ZNF397: variants seen among roughly 807,000 people sequenced by gnomAD.
ZNF397 encodes zinc finger and SCAN domain-containing protein 15.
In ZNF397, 38 loss-of-function variants were observed where a neutral mutation model predicts 50.6. The observed-to-expected ratio is 0.75, with a 90% CI of 0.58 to 0.98. The LOEUF (loss-of-function observed/expected upper bound fraction) is 0.98, where lower values mean the gene tolerates loss of function less well. Ranked by LOEUF, ZNF397 falls within the 50% of genes least tolerant of loss-of-function variation. ZNF397 has a pLI of 0.00. For missense variants in ZNF397, 624 were observed against 624.1 expected, an observed-to-expected ratio of 1.00 and a Z score of 0.00; for synonymous variants, 228 against 215.2, an observed-to-expected ratio of 1.06 and a Z score of -0.52.
At chr18:35,257,888 C>G (rs2043893707) in intron 5 of ZNF397, 1 of 780,940 alleles carries the variant, frequency 1.3e-6, no homozygotes. Flanking sequence ...ATTGCTTGCT[C>G]TTTTCCCTTC....
rs1287813999 is a variant in ZNF397, at chr18:35,245,916, A to G, written c.1211A>G (p.Lys404Arg). ...EKPYECNECG[K>R]TFSQSSKLIR... ...CCTTATGAGTGTAATGAATGTGGGA[A>G]AACCTTTAGCCAGAGCTCAAAACTC... Residue 404 changes from lysine to arginine, a missense_variant, in exon 4 of 4, where the codon AAA becomes AGA. Physicochemically the swap from Lys to Arg is conservative, Grantham distance 26. Transcript: ENST00000330501. The G allele has an allele frequency of 1.9e-6, 3 of 1,570,846 alleles. No individual in the cohort carries two copies. The African/African-American group carries it at 4.1e-5, about 21-fold the overall frequency.
chr18:35,241,544 C>T (rs1480034139), intron 1 of ZNF397: 1 of 152,222 alleles, frequency 6.6e-6, no homozygotes, highest in Non-Finnish European at 1.5e-5. Context: ...CAAGTTTGGT[C>T]TGTGTCACAA....
Position 35,246,341 on chromosome 18 carries a change from T to G in ZNF397, c.*31T>G. The G allele has an allele frequency of 6.8e-7, 1 of 1,481,022 alleles. No individual in the cohort carries two copies. The highest frequency in any genetic ancestry group is 9.0e-7 in the Non-Finnish European group (1 of 1,117,234). The allele number at this position is 1,481,022 out of a possible 1,614,324, so 91.7% of individuals were successfully genotyped here. On this transcript the variant is annotated 3_prime_UTR_variant, in exon 4 of 4. Coordinates refer to ENST00000330501, the MANE Select transcript of ZNF397 (RefSeq NM_001135178.3). ...GAATACTGTGAATAGTGTAAATACT[T>G]CAGTCAGATTTTTAAGTTTGTTAGT...
At chr18:35,258,285 G>A in exon 6 of ZNF397, 1 of 355,746 alleles carries the variant, frequency 2.8e-6, no homozygotes, top group Non-Finnish European at 5.2e-6. Flanking sequence ...ATTTTGCTAA[G>A]TCCAAGGACA....
At chr18:35,253,640 T>C (rs370032638), downstream of ZNF397, 23 of 1,614,052 alleles carry the variant, frequency 1.4e-5, no homozygotes, top group African/African-American at 2.9e-4. Flanking sequence ...GTGAATTCTT[T>C]GATGTTCAAT....
In ZNF397 at chr18:35,242,652, C is replaced by CA; in HGVS notation, c.183dup (p.Pro62ThrfsTer43). 6.2e-7 allele frequency: 1 copy of CA among 1,614,222 alleles called. No individual in the cohort carries two copies. The highest frequency in any genetic ancestry group is 8.5e-7 in the Non-Finnish European group (1 of 1,180,030). On this transcript the variant is annotated frameshift_variant, in exon 2 of 4. Coordinates refer to ENST00000330501, the MANE Select transcript of ZNF397 (RefSeq NM_001135178.3). LOFTEE classifies it high-confidence loss of function. The stretch of plus-strand genomic sequence containing the variant: ...TTCAGAAAATTTTGCTACCAGGAGA[C>CA]ACCTGGGCCCCGGGAGGCTCTGAGC...
rs2043485274 is a variant in ZNF397, at chr18:35,246,528, A to G, written c.*218A>G. On this transcript the variant is annotated 3_prime_UTR_variant, in exon 4 of 4. Transcript: ENST00000330501. ...AGAATACAGAAGAATCATTACTTCC[A>G]GCTCTTCTCTTATTAGGAATACTCA... The G allele has an allele frequency of 7.7e-7, 1 of 1,302,392 alleles. No homozygotes were observed. The allele number at this position is 1,302,392 out of a possible 1,614,324, so 80.7% of individuals were successfully genotyped here. A position where few individuals can be genotyped will look rare whatever the true frequency, so the allele number is the denominator to read the frequency against.
chr18:35,257,824 C>A, intron 5 of ZNF397: 1 of 774,740 alleles, frequency 1.3e-6, no homozygotes, highest in Non-Finnish European at 2.4e-6. Flanking sequence ...CTTCAGCGGC[C>A]CATGAAATGC....
downstream of ZNF397, chr18:35,252,807 T>A (rs1560908): frequency 0.31 from 47,499 of 152,212 alleles, 8,184 homozygotes; most frequent in Non-Finnish European, 0.37. Context: ...AATGACCAGG[T>A]CTACCTCAAT....
rs1238239696 is a variant in ZNF397, at chr18:35,245,607, C to T, written c.902C>T (p.Thr301Ile). The T allele has an allele frequency of 6.4e-7, 1 of 1,554,212 alleles. No individual in the cohort carries two copies. Among genetic ancestry groups the T allele is most frequent in the Non-Finnish European group, 8.7e-7 (1 of 1,148,230 alleles). Residue 301 changes from threonine (T) to isoleucine (I), a missense_variant, in exon 4 of 4, where the codon ACA becomes ATA. By Grantham distance (89) the Thr-to-Ile change is moderately conservative. Transcript: ENST00000330501. ...GHSFKQHSSL[T>I]QHQRIHTGEK... ...AGCTTCAAGCAGCATTCCTCTCTAA[C>T]ACAACATCAGAGAATCCATACTGGA...
At chr18:35,253,394 T>C, downstream of ZNF397, 2 of 1,444,122 alleles carry the variant, frequency 1.4e-6, no homozygotes, top group South Asian at 2.9e-5. Context: ...CTGTGGAGTC[T>C]CACCCCTACA....
At chr18:35,241,636 CG>C (rs1912507800) in intron 1 of ZNF397, 1 of 152,180 alleles carries the variant, frequency 6.6e-6, no homozygotes, top group Non-Finnish European at 1.5e-5. Context: ...AGAACTGATA[CG>C]GATCTCTTTG....
At chr18:35,241,653 T>C (rs1471403057) in intron 1 of ZNF397, 1 of 152,266 alleles carries the variant, frequency 6.6e-6, no homozygotes, top group Non-Finnish European at 1.5e-5. Context: ...CTTTGCTGCT[T>C]TTGTGTATGT....
chr18:35,247,714 AGGCTGGAGTGCAAT>A lies in ZNF397; in HGVS notation c.*1408_*1421del, dbSNP rs1272871869. The stretch of plus-strand genomic sequence containing the variant: ...TTTGAGATGGAGTTCGCTCTTGTCC[AGGCTGGAGTGCAAT>A]GGCACGATCTTGGCTCACCGCAAAC... On this transcript the variant is annotated 3_prime_UTR_variant, in exon 4 of 4. Transcript: ENST00000330501. The A allele has an allele frequency of 9.1e-6, 1 of 109,926 alleles. No individual in the cohort carries two copies. Among genetic ancestry groups the A allele is most frequent in the Non-Finnish European group, 1.7e-5 (1 of 59,870 alleles). 6.8% of individuals were successfully genotyped at this position (109,926 alleles called of 1,614,324 possible).
Position 35,246,053 on chromosome 18 carries a change from G to A in ZNF397, c.1348G>A (p.Glu450Lys). Residue 450 changes from glutamate to lysine, a missense_variant, in exon 4 of 4, where the codon GAG (glutamate) becomes AAG (lysine). Physicochemically the swap from Glu to Lys is moderately conservative, Grantham distance 56. Coordinates refer to ENST00000330501, the MANE Select transcript of ZNF397 (RefSeq NM_001135178.3). Reference protein sequence around the residue: ...LITHQRIHSGEKPYECSECGK... With the variant: ...LITHQRIHSGKKPYECSECGK... ...TACTCATCAGAGAATACATAGTGGA[G>A]AGAAACCCTATGAATGTAGTGAATG... 3 of 1,563,106 alleles carry A rather than the reference G, an allele frequency of 1.9e-6. No individual in the cohort carries two copies. The highest frequency in any genetic ancestry group is 2.6e-6 in the Non-Finnish European group (3 of 1,153,726).
Position 35,242,536 on chromosome 18 carries a change from A to G in ZNF397, c.66A>G (p.Ile22Met). ...IPQDPPEQEL[I>M]LVKVEDNFSW... ...AGGATCCTCCGGAACAAGAACTAAT[A>G]CTAGTGAAAGTAGAAGATAACTTTT... Residue 22 changes from isoleucine to methionine, a missense_variant, in exon 2 of 4, where the codon ATA becomes ATG. Coordinates refer to ENST00000330501, the MANE Select transcript of ZNF397 (RefSeq NM_001135178.3). 2 of 1,614,228 alleles carry G rather than the reference A, an allele frequency of 1.2e-6. No homozygotes were observed. Among genetic ancestry groups the G allele is most frequent in the East Asian group, 2.2e-5 (1 of 44,888 alleles).
At chr18:35,256,627 T>C (rs998796801) in intron 5 of ZNF397, among the ~76,000 whole-genome samples, 2 of 152,170 alleles carry the variant, frequency 1.3e-5, no homozygotes, top group African/African-American at 4.8e-5. Flanking sequence ...ACCCAATTAC[T>C]ATCTCCCAAG....
chr18:35,246,524 T>G lies in ZNF397; in HGVS notation c.*214T>G. The G allele has an allele frequency of 7.7e-7, 1 of 1,303,212 alleles. No homozygotes were observed. The highest frequency in any genetic ancestry group is 9.7e-7 in the Non-Finnish European group (1 of 1,028,608). The allele number at this position is 1,303,212 out of a possible 1,614,324, so 80.7% of individuals were successfully genotyped here. A position where few individuals can be genotyped will look rare whatever the true frequency, so the allele number is the denominator to read the frequency against. On this transcript the variant is annotated 3_prime_UTR_variant, in exon 4 of 4. Coordinates refer to ENST00000330501, the MANE Select transcript of ZNF397 (RefSeq NM_001135178.3). The stretch of plus-strand genomic sequence containing the variant: ...GAACAGAATACAGAAGAATCATTAC[T>G]TCCAGCTCTTCTCTTATTAGGAATA...
At chr18:35,245,164 A>G in intron 3 of ZNF397, 98 bp from the exon 4 acceptor site, 1 of 1,423,638 alleles carries the variant, frequency 7.0e-7, no homozygotes, top group Non-Finnish European at 9.2e-7. Flanking sequence ...GGACAGTGAC[A>G]TCTTTGTAGG....
Sources: allele counts gnomAD v4.1 joint callset (sites outside exome capture counted in the v4.1 genomes callset), GRCh38; gene constraint gnomAD v4.1.1; transcripts MANE v1.5; gene names NCBI Gene and HGNC (gene_info 2026-07-23, HGNC 2026-07-21).